The following BMERB1 variants were observed in gnomAD, a reference collection of about 807,000 sequenced individuals.
The protein encoded by BMERB1 is bMERB domain-containing protein 1.
A neutral mutation model predicts 23.6 loss-of-function variants in BMERB1; 12 were observed. That is an observed-to-expected ratio of 0.51 (90% CI 0.33 to 0.82). The LOEUF (loss-of-function observed/expected upper bound fraction) is 0.82. BMERB1 is among the 40% of genes least tolerant of loss of function. BMERB1 has a pLI of 0.03. For missense variants in BMERB1, 247 were observed against 255.4 expected (o/e 0.97, Z 0.22); for synonymous variants, 122 against 96.6 (o/e 1.26, Z -1.54).
At chr16:15,561,398 A>G (rs2030417766) in intron 2 of BMERB1, among the ~76,000 whole-genome samples, 1 of 150,206 alleles carries the variant, frequency 6.7e-6, no homozygotes, top group Admixed American at 6.7e-5. Flanking sequence ...CCTCCTGAGA[A>G]CTGGGGATTA....
At chr16:15,546,903 A>G (rs1567493636) in intron 2 of BMERB1, among the ~76,000 whole-genome samples, 1 of 152,134 alleles carries the variant, frequency 6.6e-6, no homozygotes, top group Non-Finnish European at 1.5e-5. Flanking sequence ...TCCTGTTAAG[A>G]ATTGCCTCGT....
intron 1 of BMERB1, among the ~76,000 whole-genome samples, chr16:15,488,775 G>A (rs2051389516): frequency 6.8e-6 from 1 of 148,098 alleles, no homozygotes. Flanking sequence ...CCGAGATCGC[G>A]CCACTGCACT....
Position 15,564,926 on chromosome 16 carries a change from A to G in BMERB1, c.231-3057A>G, listed in dbSNP as rs142418165. 9.5e-3 allele frequency among the ~76,000 whole-genome samples: 1,441 copies of G among 152,244 alleles called. 23 individuals carry two copies. The highest frequency in any genetic ancestry group is 0.013 in the South Asian group (63 of 4,822). Reference sequence around the variant, plus strand: ...GTAGCCTCAATCTTCAGTTTGCTTTACTGGTTCAGCAAAAGCCAGGAAGAA... The same window carrying G: ...GTAGCCTCAATCTTCAGTTTGCTTTGCTGGTTCAGCAAAAGCCAGGAAGAA... On this transcript the variant is annotated intron_variant, in intron 2 of 5. Transcript: ENST00000300006.
chr16:15,586,685 C>A, intron 5 of BMERB1, 32 bp from the exon 6 acceptor site: 1 of 1,534,824 alleles, frequency 6.5e-7, no homozygotes, highest in Non-Finnish European at 8.9e-7. Flanking sequence ...GTTCCTTTCT[C>A]CCCCTCTCCC....
intron 2 of BMERB1, among the ~76,000 whole-genome samples, chr16:15,532,319 C>T (rs2051975555): frequency 6.6e-6 from 1 of 151,986 alleles, no homozygotes; most frequent in Admixed American, 6.6e-5. Context: ...GCAACCTCTG[C>T]CTCCTGGGTT....
chr16:15,541,746 C>T (rs1399117570), intron 2 of BMERB1, among the ~76,000 whole-genome samples: 1 of 150,696 alleles, frequency 6.6e-6, no homozygotes, highest in Non-Finnish European at 1.5e-5. Context: ...GGCCTACAGG[C>T]GCCTGCCACC....
intron 1 of BMERB1, among the ~76,000 whole-genome samples, chr16:15,435,774 CT>C (rs1361290623): frequency 6.6e-6 from 1 of 152,228 alleles, no homozygotes; most frequent in African/African-American, 2.4e-5. Flanking sequence ...CGCTTTCTTT[CT>C]CTATACCTGT....
At chr16:15,524,303 G>T (rs2051884488) in intron 2 of BMERB1, among the ~76,000 whole-genome samples, 2 of 152,266 alleles carry the variant, frequency 1.3e-5, no homozygotes, top group South Asian at 2.1e-4. Flanking sequence ...TATACAAGAA[G>T]TTGGGGTGTA....
intron 1 of BMERB1, among the ~76,000 whole-genome samples, chr16:15,486,869 A>G (rs562155508): frequency 2.6e-5 from 4 of 152,202 alleles, no homozygotes; most frequent in African/African-American, 7.2e-5. Flanking sequence ...TCGTTTTGTC[A>G]TCTACAAAAT....
intron 1 of BMERB1, among the ~76,000 whole-genome samples, chr16:15,496,611 T>C (rs571567447): frequency 5.3e-5 from 8 of 151,974 alleles, no homozygotes; most frequent in Non-Finnish European, 8.8e-5. Flanking sequence ...CGATCTTGGC[T>C]CACTACAAGC....
At chr16:15,493,356 C>T (rs930007231) in intron 1 of BMERB1, among the ~76,000 whole-genome samples, 2 of 152,146 alleles carry the variant, frequency 1.3e-5, no homozygotes, top group Non-Finnish European at 2.9e-5. Flanking sequence ...TCTAAGAAGA[C>T]ACAAGGACTG....
intron 4 of BMERB1, among the ~76,000 whole-genome samples, chr16:15,581,567 A>C (rs536426347): frequency 6.6e-6 from 1 of 152,334 alleles, no homozygotes; most frequent in Non-Finnish European, 1.5e-5. Flanking sequence ...CCAGGAAGTG[A>C]CCAGGGAGGA....
intron 2 of BMERB1, among the ~76,000 whole-genome samples, chr16:15,567,731 C>G (rs1369864458): frequency 6.6e-6 from 1 of 152,152 alleles, no homozygotes; most frequent in African/African-American, 2.4e-5. Flanking sequence ...CCACTGCACT[C>G]CAGCCTGGGC....
chr16:15,455,679 C>A (rs2051080938), intron 1 of BMERB1, among the ~76,000 whole-genome samples: 1 of 152,046 alleles, frequency 6.6e-6, no homozygotes, highest in Non-Finnish European at 1.5e-5. Flanking sequence ...TCAGGCTGGT[C>A]TCAAACTCCC....
intron 1 of BMERB1, among the ~76,000 whole-genome samples, chr16:15,488,789 G>A (rs2051389617): frequency 6.7e-6 from 1 of 148,332 alleles, no homozygotes; most frequent in Admixed American, 6.8e-5. Flanking sequence ...CTGCACTCCA[G>A]CCTGGGCAAC....
chr16:15,435,233 C>A lies in BMERB1; in HGVS notation c.106+474C>A, dbSNP rs145408932. Among the ~76,000 whole-genome samples the A allele has an allele frequency of 3.6e-3, 553 of 152,304 alleles. 4 individuals carry two copies. Among genetic ancestry groups the A allele is most frequent in the African/African-American group, 0.012 (513 of 41,576 alleles). ...CCCTGCGTGAGGTTTCGGAGCGCAC[C>A]TGAAATTCCCAGCTTTTCCTCCCTC... On this transcript the variant is annotated intron_variant, in intron 1 of 5. Transcript: ENST00000300006.
At chr16:15,560,249 A>G (rs959871099) in intron 2 of BMERB1, among the ~76,000 whole-genome samples, 1 of 152,174 alleles carries the variant, frequency 6.6e-6, no homozygotes, top group African/African-American at 2.4e-5. Flanking sequence ...ATGACATGCT[A>G]AGGGCAGCCT....
intron 1 of BMERB1, among the ~76,000 whole-genome samples, chr16:15,435,524 G>C (rs2150918628): frequency 6.6e-6 from 1 of 152,192 alleles, no homozygotes; most frequent in South Asian, 2.1e-4. Flanking sequence ...CAGCGTCAGG[G>C]GCTCCAGGGT....
At chr16:15,581,542 T>G (rs2031014690) in intron 4 of BMERB1, 1 of 475,804 alleles carries the variant, frequency 2.1e-6, no homozygotes. Context: ...CTGTGCCTCT[T>G]GAGGGAATGT....
Sources: allele counts gnomAD v4.1 joint callset (sites outside exome capture counted in the v4.1 genomes callset), GRCh38; gene constraint gnomAD v4.1.1; transcripts MANE v1.5; gene names NCBI Gene and HGNC (gene_info 2026-07-23, HGNC 2026-07-21).